ALX1: variants seen among roughly 807,000 people sequenced by gnomAD.
ALX1 encodes ALX homeobox protein 1.
Under a neutral mutation model 31.7 loss-of-function variants are expected in ALX1, and 19 were observed. The ratio of observed to expected loss-of-function variants is 0.60; its 90% confidence interval spans 0.42 to 0.88. The LOEUF is 0.88. Ranked by LOEUF, ALX1 falls within the 40% of genes least tolerant of loss-of-function variation. ALX1 has a pLI of 0.00. For missense variants in ALX1, 415 were observed against 407.8 expected, an observed-to-expected ratio of 1.02 and a Z score of -0.15; for synonymous variants, 153 against 148.8, an observed-to-expected ratio of 1.03 and a Z score of -0.20.
intron 3 of ALX1, among the ~76,000 whole-genome samples, chr12:85,299,258 C>T (rs982579630): frequency 6.6e-6 from 1 of 150,782 alleles, no homozygotes; most frequent in South Asian, 2.1e-4. Flanking sequence ...AGGAAAATCA[C>T]GCAGATGAAG....
At chr12:85,297,293 C>T (rs116336072) in intron 3 of ALX1, among the ~76,000 whole-genome samples, 148 of 151,540 alleles carry the variant, frequency 9.8e-4, no homozygotes, top group African/African-American at 3.3e-3. Flanking sequence ...TAAGGGTAAA[C>T]GGTATTGATA....
At chr12:85,286,793 A>G (rs1273081758) in intron 2 of ALX1, 60 bp from the exon 3 acceptor site, 3 of 1,422,714 alleles carry the variant, frequency 2.1e-6, no homozygotes, top group Non-Finnish European at 2.9e-6. Context: ...GTCTTTTAAC[A>G]TCACATTTGC....
chr12:85,284,253 G>T (rs1896719531), intron 2 of ALX1, among the ~76,000 whole-genome samples: 1 of 146,450 alleles, frequency 6.8e-6, no homozygotes, highest in African/African-American at 2.5e-5. Flanking sequence ...TAGCCACTAA[G>T]GTTCTTTTTT....
At position 85,301,331 on chromosome 12, in the gene ALX1, T is replaced by C. The variant is rs1304746169; in HGVS notation, c.837T>C (p.Asn279=). The change falls in exon 4 of 4, where the codon AAT becomes AAC. Residue 279 remains asparagine (N), a synonymous_variant. Coordinates refer to ENST00000316824, the MANE Select transcript of ALX1 (RefSeq NM_006982.3). The part of the protein sequence containing the change: ...QNQFSHVPLN[N]FFTDSLLTGA... ...AGTTCAGCCACGTGCCCCTCAACAA[T>C]TTTTTCACTGACTCTCTTCTTACTG... 5.0e-6 allele frequency: 8 copies of C among 1,613,992 alleles called. No individual in the cohort carries two copies. The South Asian group carries it at 8.8e-5, about 18-fold the overall frequency.
chr12:85,285,432 C>T (rs993657609), intron 2 of ALX1, among the ~76,000 whole-genome samples: 4 of 152,112 alleles, frequency 2.6e-5, no homozygotes, highest in East Asian at 3.9e-4. Flanking sequence ...TCTGCGGAGA[C>T]AGCAAGAAAA....
At chr12:85,281,580 A>C (rs1896673956) in intron 1 of ALX1, among the ~76,000 whole-genome samples, 1 of 152,196 alleles carries the variant, frequency 6.6e-6, no homozygotes, top group Non-Finnish European at 1.5e-5. Flanking sequence ...TTTTGAACAC[A>C]AGTTTTTTTC....
chr12:85,280,570 G>C (rs1896656451), intron 1 of ALX1, 83 bp downstream of exon 1: 7 of 1,441,794 alleles, frequency 4.9e-6, no homozygotes, highest in Non-Finnish European at 6.7e-6. Flanking sequence ...GGCAGGGAGG[G>C]AGAAAGGAGA....
chr12:85,290,286 G>A, intron 3 of ALX1, among the ~76,000 whole-genome samples: 1 of 151,144 alleles, frequency 6.6e-6, no homozygotes, highest in Non-Finnish European at 1.5e-5. Context: ...TTTAAAGCCA[G>A]ACACTGTGCT....
chr12:85,287,644 C>A (rs970210907), intron 3 of ALX1, among the ~76,000 whole-genome samples: 3 of 151,166 alleles, frequency 2.0e-5, no homozygotes, highest in African/African-American at 7.3e-5. Context: ...TTTTTCTTCT[C>A]ATTTTTCTTT....
intron 3 of ALX1, among the ~76,000 whole-genome samples, chr12:85,298,076 G>C (rs1012617879): frequency 8.6e-5 from 13 of 151,640 alleles, no homozygotes; most frequent in Admixed American, 2.0e-4. Flanking sequence ...ATAATTGTGG[G>C]TTTTTCTTTC....
chr12:85,301,222 G>T lies in ALX1; in HGVS notation c.728G>T (p.Arg243Leu). The change falls in exon 4 of 4, where the codon CGT (arginine) becomes CTT (leucine). Residue 243 changes from arginine (R) to leucine (L), a missense_variant. This residue lies in a region of ALX1 where 174 missense variants were observed against 177.5 expected (regional missense o/e 0.98). Coordinates refer to ENST00000316824, the MANE Select transcript of ALX1 (RefSeq NM_006982.3). ...GTGGTTACTTCATGCATGTTACCAC[G>T]TGACACTTCCTCCTGTATGACACCT... The part of the protein sequence containing the change: ...GSVVTSCMLP[R>L]DTSSCMTPYS... The T allele has an allele frequency of 1.9e-6, 3 of 1,613,982 alleles. No homozygotes were observed. In the South Asian group the frequency reaches 3.3e-5, roughly 18 times the overall value.
rs530154313 is a variant in ALX1 at position 85,294,385 on chromosome 12, A to G, written c.661-6770A>G. On this transcript the variant is annotated intron_variant, in intron 3 of 3. Transcript: ENST00000316824. ...TCCTCCATATGATAATTATTGCTTG[A>G]TAGTAATAAAATAGCAAAGGTTAGG... Among the ~76,000 whole-genome samples, 196 of 151,242 alleles carry G rather than the reference A, an allele frequency of 1.3e-3. 3 individuals carry two copies. The South Asian group carries it at 0.019, about 14-fold the overall frequency.
At chr12:85,287,229 C>A (rs997960931) in intron 3 of ALX1, among the ~76,000 whole-genome samples, 1 of 151,442 alleles carries the variant, frequency 6.6e-6, no homozygotes, top group African/African-American at 2.4e-5. Context: ...TTGTATATTG[C>A]CACCAATGAA....
chr12:85,300,343 G>T (rs1397816938), intron 3 of ALX1, among the ~76,000 whole-genome samples: 1 of 151,846 alleles, frequency 6.6e-6, no homozygotes, highest in Non-Finnish European at 1.5e-5. Context: ...TGATAAAGCA[G>T]TTTCTACTCT....
At chr12:85,295,170 T>G (rs1896870780) in intron 3 of ALX1, among the ~76,000 whole-genome samples, 1 of 151,180 alleles carries the variant, frequency 6.6e-6, no homozygotes, top group South Asian at 2.1e-4. Flanking sequence ...AGACAAAGTC[T>G]CAGTGTGTGT....
At chr12:85,283,269 A>T (rs1275617661) in intron 1 of ALX1, among the ~76,000 whole-genome samples, 1 of 152,224 alleles carries the variant, frequency 6.6e-6, no homozygotes, top group East Asian at 1.9e-4. Context: ...TGAAACACCC[A>T]GATCATCTTT....
At chr12:85,301,058 GAATA>G in intron 3 of ALX1, 93 bp from the exon 4 acceptor site, 2 of 1,364,742 alleles carry the variant, frequency 1.5e-6, no homozygotes, top group South Asian at 2.4e-5. Context: ...AGCAAACAAT[GAATA>G]GTTAACCAAA....
intron 3 of ALX1, among the ~76,000 whole-genome samples, chr12:85,296,693 A>G (rs1341474770): frequency 6.6e-6 from 1 of 151,608 alleles, no homozygotes; most frequent in African/African-American, 2.4e-5. Flanking sequence ...TTTTAAACAC[A>G]ACAAAGAAAA....
chr12:85,289,875 G>T (rs1366066098), intron 3 of ALX1, among the ~76,000 whole-genome samples: 1 of 150,900 alleles, frequency 6.6e-6, no homozygotes, highest in Non-Finnish European at 1.5e-5. Flanking sequence ...TTTATCATGG[G>T]GCTTGAAAAT....
Sources: gnomAD v4.1 joint callset for allele counts (sites outside exome capture counted in the v4.1 genomes callset) on GRCh38, gnomAD v4.1.1 for gene constraint, gnomAD v4.1.1 regional missense constraint, MANE v1.5 for transcripts, NCBI Gene and HGNC (gene_info 2026-07-23, HGNC 2026-07-21) for gene names.